RPS6KA2: variants seen among roughly 807,000 people sequenced by gnomAD.
The protein encoded by RPS6KA2 is ribosomal protein S6 kinase alpha-2.
RPS6KA2 carries 42 observed loss-of-function variants against 91.8 expected under a neutral mutation model. The observed-to-expected ratio is 0.46, with a 90% CI of 0.36 to 0.59. The LOEUF is 0.59. Among genes scored for constraint, RPS6KA2 ranks in the 20% least tolerant of loss-of-function variants. The probability of loss-of-function intolerance (pLI) is 0.00; values close to 1 mark genes in which losing one functional copy is unlikely to be tolerated. For synonymous variants in RPS6KA2, 414 were observed against 393.6 expected (o/e 1.05, Z -0.61); for missense variants, 798 against 978.5 (o/e 0.82, Z 2.46).
intron 2 of RPS6KA2, among the ~76,000 whole-genome samples, chr6:166,698,822 G>C (rs1230361710): frequency 1.3e-5 from 2 of 152,202 alleles, no homozygotes; most frequent in African/African-American, 4.8e-5. Context: ...CAGCCTGGTT[G>C]GAGGACGGAA....
intron 2 of RPS6KA2, among the ~76,000 whole-genome samples, chr6:166,839,166 C>T (rs2128629115): frequency 6.6e-6 from 1 of 152,348 alleles, no homozygotes; most frequent in East Asian, 1.9e-4. Flanking sequence ...AGAAGGAACT[C>T]ACAGCCACCC....
intron 2 of RPS6KA2, among the ~76,000 whole-genome samples, chr6:166,717,673 T>C (rs1790050591): frequency 1.3e-5 from 2 of 152,258 alleles, no homozygotes; most frequent in Admixed American, 1.3e-4. Context: ...CCAGTGGTAG[T>C]GCATATCTCT....
intron 2 of RPS6KA2, among the ~76,000 whole-genome samples, chr6:166,802,920 T>C (rs1028012598): frequency 8.6e-5 from 11 of 127,750 alleles, no homozygotes; most frequent in African/African-American, 2.8e-4. Context: ...AGATTATATA[T>C]AATGTATGTA....
chr6:166,457,566 G>C (rs1471319452), intron 12 of RPS6KA2, among the ~76,000 whole-genome samples: 2 of 152,126 alleles, frequency 1.3e-5, no homozygotes, highest in Non-Finnish European at 2.9e-5. Flanking sequence ...TTCTACCTGG[G>C]GACTGCAGGA....
rs1781502648 is a variant in RPS6KA2, at chr6:166,488,928, A to T, written c.819-7T>A. ...CGGCATCCCCAGCTTGGCTCTGAAA[A>T]ACAAGATCCTATTTTAGGATCTATT... On this transcript the variant is annotated splice_polypyrimidine_tract_variant and splice_region_variant and intron_variant, in intron 9 of 20. Coordinates refer to ENST00000265678, the MANE Select transcript of RPS6KA2 (RefSeq NM_021135.6). The T allele has an allele frequency of 6.2e-7, 1 of 1,610,664 alleles. No individual in the cohort carries two copies. Among genetic ancestry groups the T allele is most frequent in the African/African-American group, 1.3e-5 (1 of 74,906 alleles).
chr6:166,840,858 G>A (rs1409798343), intron 2 of RPS6KA2, among the ~76,000 whole-genome samples: 1 of 152,124 alleles, frequency 6.6e-6, no homozygotes, highest in African/African-American at 2.4e-5. Context: ...AGCTACTCAG[G>A]AGACTGAGGC....
intron 2 of RPS6KA2, among the ~76,000 whole-genome samples, chr6:166,855,504 A>AGAAGAAGAG (rs749766476): frequency 7.3e-6 from 1 of 137,844 alleles, no homozygotes; most frequent in Non-Finnish European, 1.6e-5. Context: ...AAGAAGAGGA[A>AGAAGAAGAG]GAAGAAGAAG....
At chr6:166,501,153 T>C (rs1782014016) in intron 6 of RPS6KA2, among the ~76,000 whole-genome samples, 1 of 152,088 alleles carries the variant, frequency 6.6e-6, no homozygotes, top group South Asian at 2.1e-4. Flanking sequence ...ACCTCCTGGA[T>C]AAAGGGATGT....
At chr6:166,698,826 G>A (rs1257246635) in intron 2 of RPS6KA2, among the ~76,000 whole-genome samples, 1 of 152,228 alleles carries the variant, frequency 6.6e-6, no homozygotes, top group African/African-American at 2.4e-5. Context: ...CTGGTTGGAG[G>A]ACGGAAAATG....
chr6:166,720,548 G>GT (rs774959515), intron 2 of RPS6KA2, among the ~76,000 whole-genome samples: 1 of 152,146 alleles, frequency 6.6e-6, no homozygotes, highest in Non-Finnish European at 1.5e-5. Flanking sequence ...AAATAAAAGT[G>GT]TAAGAGAAAG....
At chr6:166,518,095 G>A (rs1351801724) in intron 3 of RPS6KA2, among the ~76,000 whole-genome samples, 1 of 151,878 alleles carries the variant, frequency 6.6e-6, no homozygotes, top group African/African-American at 2.4e-5. Context: ...CTTGGCACCT[G>A]AGCAACATGG....
At chr6:166,640,864 G>A (rs1006924106) in intron 2 of RPS6KA2, among the ~76,000 whole-genome samples, 1 of 151,828 alleles carries the variant, frequency 6.6e-6, no homozygotes. Flanking sequence ...ACTCAACGGC[G>A]TGACCTTGGA....
At chr6:166,854,016 C>T (rs9366065) in intron 2 of RPS6KA2, among the ~76,000 whole-genome samples, 9 of 152,196 alleles carry the variant, frequency 5.9e-5, no homozygotes, top group African/African-American at 2.2e-4. Flanking sequence ...CTCTTAAAGA[C>T]GTATTGCCTG....
rs754624001 is a variant in RPS6KA2 at position 166,412,912 on chromosome 6, G to C, written c.2077-25C>G. 16 of 1,537,664 alleles carry C rather than the reference G, an allele frequency of 1.0e-5. No homozygotes were observed. The South Asian group carries it at 1.7e-4, about 16-fold the overall frequency. On this transcript the variant is annotated intron_variant, in intron 20 of 20. Coordinates refer to ENST00000265678, the MANE Select transcript of RPS6KA2 (RefSeq NM_021135.6). The surrounding 1 kb of genome is among the most constrained non-coding windows in gnomAD (Gnocchi z 4.3). ...CCTGCAAAACAGAAGACAAGGGTGA[G>C]AGCCGCGGCGCCTCACTCCAGGGGT...
intron 3 of RPS6KA2, among the ~76,000 whole-genome samples, chr6:166,523,896 T>C (rs977751081): frequency 6.6e-6 from 1 of 152,206 alleles, no homozygotes; most frequent in African/African-American, 2.4e-5. Flanking sequence ...GATGCTGTCA[T>C]TGATACCTGT....
intron 2 of RPS6KA2, among the ~76,000 whole-genome samples, chr6:166,675,138 T>C (rs1788581957): frequency 6.6e-6 from 1 of 152,228 alleles, no homozygotes; most frequent in African/African-American, 2.4e-5. Flanking sequence ...AGGGATCCTC[T>C]GCCCAGCTTG....
At chr6:166,673,131 C>T (rs1330840935) in intron 2 of RPS6KA2, among the ~76,000 whole-genome samples, 1 of 152,214 alleles carries the variant, frequency 6.6e-6, no homozygotes, top group South Asian at 2.1e-4. Context: ...TCTCCCGCTG[C>T]CTGTCCCTCT....
rs71032871 is a variant in RPS6KA2, at chr6:166,641,719, C to CAAAAAAAAAAAAAAAAAAAAAAAAAAAA, written c.124-102963_124-102936dup. On this transcript the variant is annotated intron_variant, in intron 2 of 21. Transcript: ENST00000503859. ...TGGGTAAAAGAGTGAGACTCTGTCA[C>CAAAAAAAAAAAAAAAAAAAAAAAAAAAA]AAAAAAAAAAAAAAAAAAAAAAAAA... is the stretch of plus-strand genomic sequence containing the variant. 2.1e-4 allele frequency among the ~76,000 whole-genome samples: 6 copies of CAAAAAAAAAAAAAAAAAAAAAAAAAAAA among 28,548 alleles called. 1 individual carries two copies. The highest frequency in any genetic ancestry group is 3.1e-4 in the Non-Finnish European group (4 of 12,974). 18.7% of individuals were successfully genotyped at this position (28,548 alleles called of 152,430 possible).
At chr6:166,507,367 A>AAC (rs3837033) in intron 5 of RPS6KA2, among the ~76,000 whole-genome samples, 20,559 of 80,230 alleles carry the variant, frequency 0.26, 1,505 homozygotes, top group African/African-American at 0.42. Flanking sequence ...CAGCACACCC[A>AAC]ACACACACAC....
Sources: gnomAD v4.1 joint callset for allele counts (sites outside exome capture counted in the v4.1 genomes callset) on GRCh38, gnomAD v4.1.1 for gene constraint, Gnocchi (gnomAD v3.1) non-coding constraint, MANE v1.5 for transcripts, NCBI Gene and HGNC (gene_info 2026-07-23, HGNC 2026-07-21) for gene names.